PDE10A: variants seen among roughly 807,000 people sequenced by gnomAD.
PDE10A encodes cAMP and cAMP-inhibited cGMP 3',5'-cyclic phosphodiesterase 10A.
Under a neutral mutation model 97.7 loss-of-function variants are expected in PDE10A, and 39 were observed. The ratio of observed to expected loss-of-function variants is 0.40; its 90% CI spans 0.31 to 0.52. The LOEUF is 0.52. PDE10A is among the 20% of genes least tolerant of loss of function. The pLI, the probability that PDE10A is intolerant of heterozygous loss-of-function variation, is 0.56. For missense variants in PDE10A, 731 were observed against 1,047.8 expected (o/e 0.70, Z 4.17); for synonymous variants, 371 against 376.8 (o/e 0.98, Z 0.18).
chr6:165,547,413 TCTGC>T (rs1783793244), intron 1 of PDE10A, among the ~76,000 whole-genome samples: 8 of 152,094 alleles, frequency 5.3e-5, no homozygotes, highest in Non-Finnish European at 1.2e-4. Flanking sequence ...CGCAGTGCAA[TCTGC>T]AAATGCCCAT....
rs1156471413 is a variant in PDE10A at position 165,662,823 on chromosome 6, G to A, written c.-12C>T. Reference sequence around the variant, plus strand: ...TCGAGGCTGGCCATGGTTCCTCCCCGGGCCGCGGAGGGGCAGGCCGCGGGC... The same window carrying A: ...TCGAGGCTGGCCATGGTTCCTCCCCAGGCCGCGGAGGGGCAGGCCGCGGGC... On this transcript the variant is annotated 5_prime_UTR_variant, in exon 1 of 22. Coordinates refer to ENST00000539869, the MANE Select transcript of PDE10A (RefSeq NM_001385079.1). Among the ~76,000 whole-genome samples, 2 of 150,010 alleles carry A rather than the reference G, an allele frequency of 1.3e-5. No individual in the cohort carries two copies. Among genetic ancestry groups the A allele is most frequent in the African/African-American group, 2.4e-5 (1 of 41,064 alleles).
chr6:165,855,306 G>C (rs1201291440), intron 1 of PDE10A, among the ~76,000 whole-genome samples: 15 of 3,074 alleles, frequency 4.9e-3, no homozygotes, highest in East Asian at 0.025. Context: ...GGGAAGTGGC[G>C]GGGGGGGGGG....
chr6:165,559,636 T>C (rs1423602933), intron 1 of PDE10A, among the ~76,000 whole-genome samples: 2 of 152,298 alleles, frequency 1.3e-5, no homozygotes, highest in Admixed American at 1.3e-4. Flanking sequence ...CCTTTTGTGG[T>C]AGGCAGAATT....
At chr6:165,620,519 G>A (rs1193338284) in intron 1 of PDE10A, among the ~76,000 whole-genome samples, 5 of 152,208 alleles carry the variant, frequency 3.3e-5, no homozygotes, top group Non-Finnish European at 7.3e-5. Context: ...CGAGGAAATG[G>A]TGAAACATTG....
At chr6:165,966,232 A>T (rs1287894124) in intron 1 of PDE10A, among the ~76,000 whole-genome samples, 1 of 152,158 alleles carries the variant, frequency 6.6e-6, no homozygotes, top group Non-Finnish European at 1.5e-5. Context: ...CTCATAATGG[A>T]GCTTAGGTAA....
At chr6:165,980,571 A>T (rs1294329329) in intron 1 of PDE10A, among the ~76,000 whole-genome samples, 1 of 152,198 alleles carries the variant, frequency 6.6e-6, no homozygotes, top group Non-Finnish European at 1.5e-5. Context: ...GTATAAGGGG[A>T]ACAGTTTAAC....
intron 1 of PDE10A, among the ~76,000 whole-genome samples, chr6:165,659,693 T>C (rs933269819): frequency 1.3e-5 from 2 of 151,950 alleles, no homozygotes; most frequent in Admixed American, 1.3e-4. Flanking sequence ...GAGGGGGCCT[T>C]TCTTGAAAGT....
At chr6:165,563,252 G>C (rs149007370) in intron 1 of PDE10A, among the ~76,000 whole-genome samples, 1 of 148,042 alleles carries the variant, frequency 6.8e-6, no homozygotes, top group Non-Finnish European at 1.5e-5. Flanking sequence ...GGGAGAGAGG[G>C]AGGGAGGGAG....
chr6:165,528,733 G>T (rs1476530960), intron 2 of PDE10A, among the ~76,000 whole-genome samples: 1 of 152,198 alleles, frequency 6.6e-6, no homozygotes, highest in East Asian at 1.9e-4. Context: ...GCAGCAGTGG[G>T]CTGATGTTCA....
intron 13 of PDE10A, among the ~76,000 whole-genome samples, chr6:165,404,286 G>GT (rs1786925080): frequency 6.6e-6 from 1 of 152,150 alleles, no homozygotes; most frequent in Non-Finnish European, 1.5e-5. Flanking sequence ...ATCGCAGGGT[G>GT]TGGCTTGAGG....
In PDE10A at chr6:165,702,362, C is replaced by T. The variant is rs1306199019; in HGVS notation, c.-614-158794G>A. Among the ~76,000 whole-genome samples the T allele has an allele frequency of 7.9e-5, 12 of 152,238 alleles. No homozygotes were observed. The East Asian group carries it at 2.3e-3, about 29-fold the overall frequency. On this transcript the variant is annotated intron_variant, in intron 1 of 19. Coordinates refer to the PDE10A transcript ENST00000366882. ...GACCTTGTTCCCCAGGTGCTGACAT[C>T]AATGGGCTTCTCACCTGAGCGAGGC...
chr6:165,443,688 T>C (rs769772071), intron 5 of PDE10A, among the ~76,000 whole-genome samples: 7 of 152,236 alleles, frequency 4.6e-5, no homozygotes, highest in African/African-American at 7.2e-5. Flanking sequence ...AGCAGACTTC[T>C]GCCTGGATAT....
chr6:165,490,931 G>C (rs1179756052), intron 2 of PDE10A, among the ~76,000 whole-genome samples: 1 of 152,100 alleles, frequency 6.6e-6, no homozygotes, highest in Non-Finnish European at 1.5e-5. Flanking sequence ...CTCCAGCCTG[G>C]GGCACAGAGC....
intron 1 of PDE10A, among the ~76,000 whole-genome samples, chr6:165,597,596 C>A (rs1786675950): frequency 6.6e-6 from 1 of 152,170 alleles, no homozygotes; most frequent in African/African-American, 2.4e-5. Flanking sequence ...TCAAATATGT[C>A]CAAACGTAGC....
chr6:165,945,640 C>T (rs549688062), intron 1 of PDE10A, among the ~76,000 whole-genome samples: 1 of 152,196 alleles, frequency 6.6e-6, no homozygotes, highest in African/African-American at 2.4e-5. Flanking sequence ...GAGGTGCCAT[C>T]TACAAACCAG....
intron 1 of PDE10A, among the ~76,000 whole-genome samples, chr6:165,871,967 A>G (rs1471032620): frequency 6.6e-6 from 1 of 152,222 alleles, no homozygotes; most frequent in Non-Finnish European, 1.5e-5. Flanking sequence ...CTGGAGACCA[A>G]TAAATCTGGA....
At position 165,496,506 on chromosome 6, in the gene PDE10A, A is replaced by T. The variant is rs145111241; in HGVS notation, c.995-14163T>A. On this transcript the variant is annotated intron_variant, in intron 2 of 21. Transcript: ENST00000539869. ...GGATAATGTTAGGATTAAATGAGAT[A>T]TGGATAATTCTTACACAGAGAGAAT... Among the ~76,000 whole-genome samples the T allele has an allele frequency of 6.6e-5, 10 of 152,360 alleles. No individual in the cohort carries two copies. The East Asian group carries it at 1.9e-3, about 29-fold the overall frequency.
intron 5 of PDE10A, among the ~76,000 whole-genome samples, chr6:165,440,284 C>T (rs1201091201): frequency 2.0e-5 from 3 of 151,980 alleles, no homozygotes; most frequent in African/African-American, 7.2e-5. Context: ...CTATAAACTA[C>T]CAGCTCTGGA....
At chr6:165,855,367 A>T (rs1780702684) in intron 1 of PDE10A, among the ~76,000 whole-genome samples, 1 of 147,340 alleles carries the variant, frequency 6.8e-6, no homozygotes, top group Admixed American at 6.8e-5. Flanking sequence ...CTTGGGTGCC[A>T]GGGTGAAGGC....
Sources: gnomAD v4.1 joint callset for allele counts (sites outside exome capture counted in the v4.1 genomes callset) on GRCh38, gnomAD v4.1.1 for gene constraint, MANE v1.5 for transcripts, NCBI Gene and HGNC (gene_info 2026-07-23, HGNC 2026-07-21) for gene names.